The following SEMA5A variants were observed in gnomAD, a reference collection of about 807,000 sequenced individuals.
SEMA5A encodes semaphorin-5A.
In SEMA5A, 55 loss-of-function variants were observed where a neutral mutation model predicts 135.5. The observed-to-expected ratio is 0.41, with a 90% CI of 0.33 to 0.51. The LOEUF (loss-of-function observed/expected upper bound fraction) is 0.51. Among genes scored for constraint, SEMA5A ranks in the 20% least tolerant of loss-of-function variants. SEMA5A has a pLI of 0.37. For synonymous variants in SEMA5A, 580 were observed against 546.5 expected, an observed-to-expected ratio of 1.06 and a Z score of -0.85; for missense variants, 1,290 against 1,419.9, an observed-to-expected ratio of 0.91 and a Z score of 1.47.
At chr5:9,137,389 A>G (rs1299770838) in intron 12 of SEMA5A, among the ~76,000 whole-genome samples, 3 of 152,250 alleles carry the variant, frequency 2.0e-5, no homozygotes, top group African/African-American at 7.2e-5. Context: ...TCTAAATGAA[A>G]GAGTTCATAC....
At chr5:9,451,838 G>A (rs925127177) in intron 1 of SEMA5A, among the ~76,000 whole-genome samples, 5 of 152,104 alleles carry the variant, frequency 3.3e-5, no homozygotes, top group South Asian at 2.1e-4. Flanking sequence ...TTTCCTGCAC[G>A]GCTGAGGATG....
chr5:9,208,842 G>A (rs1475283880), intron 8 of SEMA5A, among the ~76,000 whole-genome samples: 1 of 152,154 alleles, frequency 6.6e-6, no homozygotes, highest in Non-Finnish European at 1.5e-5. Context: ...GGATGGGGTA[G>A]GAAGTTGGAG....
rs562441804 is a variant in SEMA5A, at chr5:9,041,350, G to A, written c.*1547C>T. The A allele has an allele frequency of 2.0e-5, 3 of 152,196 alleles. No individual in the cohort carries two copies. Among genetic ancestry groups the A allele is most frequent in the Non-Finnish European group, 2.9e-5 (2 of 68,018 alleles). 9.4% of individuals were successfully genotyped at this position (152,196 alleles called of 1,614,324 possible). A position where few individuals can be genotyped will look rare whatever the true frequency, so the allele number is the denominator to read the frequency against. On this transcript the variant is annotated 3_prime_UTR_variant, in exon 23 of 23. Coordinates refer to ENST00000382496, the MANE Select transcript of SEMA5A (RefSeq NM_003966.3). Reference sequence around the variant, plus strand: ...TCCGAAGGTTCATTTGTAAGAACACGTTTCCGTGTCTACCCAGGACTTTAT... The same window carrying A: ...TCCGAAGGTTCATTTGTAAGAACACATTTCCGTGTCTACCCAGGACTTTAT...
intron 2 of SEMA5A, among the ~76,000 whole-genome samples, chr5:9,388,227 C>T (rs1755981680): frequency 6.6e-6 from 1 of 152,084 alleles, no homozygotes; most frequent in South Asian, 2.1e-4. Flanking sequence ...AATAATGGTT[C>T]GGCTCCAGTG....
At chr5:9,164,644 C>T (rs1456966790) in intron 11 of SEMA5A, among the ~76,000 whole-genome samples, 2 of 152,052 alleles carry the variant, frequency 1.3e-5, no homozygotes, top group African/African-American at 4.8e-5. Flanking sequence ...GCATTTTGAT[C>T]AACAATATGT....
intron 4 of SEMA5A, among the ~76,000 whole-genome samples, chr5:9,332,225 C>T (rs879382848): frequency 5.7e-5 from 8 of 140,382 alleles, no homozygotes; most frequent in South Asian, 2.3e-4. Context: ...ACTCACATTG[C>T]GTCAGGTGTG....
intron 11 of SEMA5A, among the ~76,000 whole-genome samples, chr5:9,176,891 T>A (rs546940513): frequency 6.6e-6 from 1 of 152,328 alleles, no homozygotes; most frequent in Non-Finnish European, 1.5e-5. Context: ...AATGCACAGA[T>A]GGGTGACCAC....
At position 9,447,745 on chromosome 5, in the gene SEMA5A, T is replaced by A. The variant is rs1253059351; in HGVS notation, c.-174-9893A>T. Among the ~76,000 whole-genome samples, 11 of 152,322 alleles carry A rather than the reference T, an allele frequency of 7.2e-5. No individual in the cohort carries two copies. The East Asian group carries it at 1.4e-3, about 19-fold the overall frequency. On this transcript the variant is annotated intron_variant, in intron 1 of 22. Transcript: ENST00000382496. Reference sequence around the variant, plus strand: ...CAACACAACAAACCAGATGGTGTCTTACCTTCCTATAAACACTGTTGTGTT... The same window carrying A: ...CAACACAACAAACCAGATGGTGTCTAACCTTCCTATAAACACTGTTGTGTT...
intron 8 of SEMA5A, among the ~76,000 whole-genome samples, chr5:9,222,965 A>T (rs77648454): frequency 6.6e-6 from 1 of 152,344 alleles, no homozygotes; most frequent in East Asian, 1.9e-4. Flanking sequence ...GCAAATGCTA[A>T]TTACAAAGCT....
At chr5:9,383,780 T>C (rs954056264) in intron 2 of SEMA5A, among the ~76,000 whole-genome samples, 1 of 152,192 alleles carries the variant, frequency 6.6e-6, no homozygotes, top group African/African-American at 2.4e-5. Flanking sequence ...TTATTTACAA[T>C]ATGCCCTCCA....
chr5:9,333,494 C>T (rs899881850), intron 4 of SEMA5A, among the ~76,000 whole-genome samples: 3 of 152,178 alleles, frequency 2.0e-5, no homozygotes, highest in South Asian at 2.1e-4. Flanking sequence ...ACACTAAAGA[C>T]GAACTAATTC....
chr5:9,271,339 T>G (rs1204209406), intron 5 of SEMA5A, among the ~76,000 whole-genome samples: 1 of 152,110 alleles, frequency 6.6e-6, no homozygotes. Flanking sequence ...AATTACCCAT[T>G]CTCAGGTAGT....
intron 12 of SEMA5A, among the ~76,000 whole-genome samples, chr5:9,145,293 T>A (rs373272944): frequency 6.6e-6 from 1 of 152,270 alleles, no homozygotes; most frequent in Admixed American, 6.5e-5. Context: ...CACACTCCTA[T>A]GGAAACAGGG....
In SEMA5A at chr5:9,429,412, G is replaced by A. The variant is rs62343775; in HGVS notation, c.-78+8344C>T. Among the ~76,000 whole-genome samples, 570 of 152,310 alleles carry A rather than the reference G, an allele frequency of 3.7e-3. 4 individuals are homozygous for A. The highest frequency in any genetic ancestry group is 0.013 in the African/African-American group (546 of 41,554). On this transcript the variant is annotated intron_variant, in intron 2 of 22. Coordinates refer to ENST00000382496, the MANE Select transcript of SEMA5A (RefSeq NM_003966.3). The stretch of plus-strand genomic sequence containing the variant: ...TAGTCCCTTACCTCACCTAGGAATG[G>A]AGCAGTGAGTGAACAAAATAAGCAA...
At chr5:9,271,736 C>A (rs1375802864) in intron 5 of SEMA5A, among the ~76,000 whole-genome samples, 2 of 152,150 alleles carry the variant, frequency 1.3e-5, no homozygotes, top group Non-Finnish European at 2.9e-5. Flanking sequence ...CAAGCCAAAG[C>A]AGGGTGGGGC....
intron 3 of SEMA5A, among the ~76,000 whole-genome samples, chr5:9,366,234 T>A (rs570681792): frequency 5.3e-4 from 81 of 152,318 alleles, no homozygotes; most frequent in African/African-American, 1.9e-3. Context: ...TCTCTTTATA[T>A]GGCAATTAAT....
intron 5 of SEMA5A, among the ~76,000 whole-genome samples, chr5:9,247,451 A>C (rs1748539048): frequency 6.6e-6 from 1 of 152,138 alleles, no homozygotes; most frequent in South Asian, 2.1e-4. Context: ...AAAACAAACA[A>C]CACTTCATAC....
intron 16 of SEMA5A, among the ~76,000 whole-genome samples, chr5:9,074,506 TAAG>T (rs1737939360): frequency 6.6e-6 from 1 of 152,046 alleles, no homozygotes; most frequent in Non-Finnish European, 1.5e-5. Context: ...TTAATCAAAA[TAAG>T]AAGTTTCTGC....
At chr5:9,095,129 A>T (rs185253360) in intron 16 of SEMA5A, among the ~76,000 whole-genome samples, 2,337 of 152,330 alleles carry the variant, frequency 0.015, 19 homozygotes, top group Middle Eastern at 0.034. Context: ...TAGAAATATT[A>T]ACAAACTAAC....
Sources: allele counts gnomAD v4.1 joint callset (sites outside exome capture counted in the v4.1 genomes callset), GRCh38; gene constraint gnomAD v4.1.1; transcripts MANE v1.5; gene names NCBI Gene and HGNC (gene_info 2026-07-23, HGNC 2026-07-21).